PPARD: variants seen among roughly 807,000 people sequenced by gnomAD.
The protein encoded by PPARD is peroxisome proliferator-activated receptor delta.
A neutral mutation model predicts 39.5 loss-of-function variants in PPARD; 6 were observed. That is an observed-to-expected ratio of 0.15 (90% CI 0.08 to 0.30). The LOEUF (loss-of-function observed/expected upper bound fraction) is 0.30. PPARD is among the 10% of genes least tolerant of loss of function. The pLI is 1.00. For missense variants in PPARD, 397 were observed against 596.8 expected, an observed-to-expected ratio of 0.67 and a Z score of 3.49; for synonymous variants, 210 against 231.3, an observed-to-expected ratio of 0.91 and a Z score of 0.83.
intron 2 of PPARD, among the ~76,000 whole-genome samples, chr6:35,384,071 C>T (rs1192698151): frequency 6.6e-3 from 963 of 145,570 alleles, no homozygotes; most frequent in Non-Finnish European, 9.6e-3. Flanking sequence ...CCAGCCGCCC[C>T]GTCCGGGAGG....
At chr6:35,411,960 CT>C (rs1159378998) in intron 3 of PPARD, among the ~76,000 whole-genome samples, 1 of 152,130 alleles carries the variant, frequency 6.6e-6, no homozygotes, top group East Asian at 1.9e-4. Flanking sequence ...ACAAAGTCTC[CT>C]TCTGTTGCCC....
intron 2 of PPARD, among the ~76,000 whole-genome samples, chr6:35,408,158 T>C (rs1162584639): frequency 6.6e-6 from 1 of 152,198 alleles, no homozygotes; most frequent in Non-Finnish European, 1.5e-5. Flanking sequence ...GCTACACCTC[T>C]AGGCATAGTA....
Position 35,425,454 on chromosome 6 carries a change from C to G in PPARD, c.1079-378C>G. 9.5e-7 allele frequency: 1 copy of G among 1,054,444 alleles called. No individual in the cohort carries two copies. Among genetic ancestry groups the G allele is most frequent in the Non-Finnish European group, 1.2e-6 (1 of 856,000 alleles). 65.3% of individuals were successfully genotyped at this position (1,054,444 alleles called of 1,614,324 possible). A position where few individuals can be genotyped will look rare whatever the true frequency, so the allele number is the denominator to read the frequency against. The stretch of plus-strand genomic sequence containing the variant: ...GCACTGTTCTTTTCATCGATGATGA[C>G]TCACTTGATCCTCACAACAACCCTG... On this transcript the variant is annotated intron_variant, in intron 7 of 7. Transcript: ENST00000360694. The surrounding 1 kb of genome is among the most constrained non-coding windows in gnomAD (Gnocchi z 4.5).
At chr6:35,400,972 C>A (rs1052528432) in intron 2 of PPARD, among the ~76,000 whole-genome samples, 1 of 152,032 alleles carries the variant, frequency 6.6e-6, no homozygotes, top group African/African-American at 2.4e-5. Flanking sequence ...CTGTTAGTAT[C>A]GATTGGCCTC....
intron 2 of PPARD, among the ~76,000 whole-genome samples, chr6:35,377,950 G>C (rs912817298): frequency 6.7e-6 from 1 of 149,142 alleles, no homozygotes; most frequent in Non-Finnish European, 1.5e-5. Flanking sequence ...GGCAACCTCT[G>C]CCTTCTGGGT....
chr6:35,410,891 C>T, intron 2 of PPARD, 96 bp from the exon 3 acceptor site: 2 of 1,238,202 alleles, frequency 1.6e-6, no homozygotes, highest in Non-Finnish European at 1.0e-6. Context: ...AGAAGAACCC[C>T]CTCCATGACA....
At chr6:35,404,515 C>T (rs1211050911) in intron 2 of PPARD, among the ~76,000 whole-genome samples, 1 of 152,208 alleles carries the variant, frequency 6.6e-6, no homozygotes, top group Non-Finnish European at 1.5e-5. Flanking sequence ...ACTGTCCCCA[C>T]TCATCCCCTG....
chr6:35,401,563 G>A lies in PPARD; in HGVS notation c.-101-9424G>A, dbSNP rs539953665. ...GCCACAGCCCTTCTCTCTACCCACA[G>A]ACAGCCCAGGTCCTCATTCCTTGGG... On this transcript the variant is annotated intron_variant, in intron 2 of 7. Coordinates refer to ENST00000360694, the MANE Select transcript of PPARD (RefSeq NM_006238.5). The surrounding 1 kb of genome is among the most constrained non-coding windows in gnomAD (Gnocchi z 4.1). Among the ~76,000 whole-genome samples the A allele has an allele frequency of 1.3e-5, 2 of 151,024 alleles. No homozygotes were observed. Among genetic ancestry groups the A allele is most frequent in the Non-Finnish European group, 2.9e-5 (2 of 67,906 alleles).
chr6:35,362,410 A>G (rs2150498133), intron 2 of PPARD, among the ~76,000 whole-genome samples: 1 of 149,700 alleles, frequency 6.7e-6, no homozygotes, highest in South Asian at 2.1e-4. Context: ...GTCCCTGTCC[A>G]GCGCCCCATC....
chr6:35,352,762 A>T (rs1761342746), intron 2 of PPARD, among the ~76,000 whole-genome samples: 1 of 152,214 alleles, frequency 6.6e-6, no homozygotes, highest in Non-Finnish European at 1.5e-5. Context: ...GTGCGTATAC[A>T]TGACCTCTCT....
intron 2 of PPARD, among the ~76,000 whole-genome samples, chr6:35,365,980 G>A (rs1762193510): frequency 1.3e-5 from 2 of 151,666 alleles, no homozygotes; most frequent in South Asian, 4.1e-4. Context: ...AAAGGCTCAG[G>A]GTGAGTGAGC....
intron 5 of PPARD, among the ~76,000 whole-genome samples, chr6:35,423,075 A>AG (rs935716027): frequency 1.4e-5 from 2 of 144,706 alleles, no homozygotes; most frequent in African/African-American, 5.0e-5. Flanking sequence ...AAAAAAAAAA[A>AG]AAAAATTTAG....
At chr6:35,421,483 G>T (rs1766166651) in intron 4 of PPARD, among the ~76,000 whole-genome samples, 1 of 151,172 alleles carries the variant, frequency 6.6e-6, no homozygotes, top group Non-Finnish European at 1.5e-5. Flanking sequence ...GATTACAGGG[G>T]TGTGCCACTA....
At chr6:35,419,074 C>T (rs543189199) in intron 3 of PPARD, among the ~76,000 whole-genome samples, 2 of 152,256 alleles carry the variant, frequency 1.3e-5, no homozygotes, top group Admixed American at 6.5e-5. Context: ...AAACATTAGC[C>T]TGGGTTTATC....
At chr6:35,389,515 G>T (rs968041578) in intron 2 of PPARD, among the ~76,000 whole-genome samples, 1 of 152,094 alleles carries the variant, frequency 6.6e-6, no homozygotes, top group African/African-American at 2.4e-5. Context: ...GTTTCACCAT[G>T]TTGGCCAGGC....
chr6:35,347,311 G>A (rs1178021299), intron 2 of PPARD, among the ~76,000 whole-genome samples, 161 bp downstream of exon 2: 1 of 152,114 alleles, frequency 6.6e-6, no homozygotes, highest in African/African-American at 2.4e-5. Flanking sequence ...CATAGTATAG[G>A]CATTTATTAA....
At chr6:35,370,401 TG>T (rs1275105935) in intron 2 of PPARD, among the ~76,000 whole-genome samples, 3 of 152,188 alleles carry the variant, frequency 2.0e-5, no homozygotes, top group African/African-American at 7.2e-5. Context: ...AAGAAGATAC[TG>T]GTTATGGCTG....
chr6:35,355,046 G>A (rs966066171), intron 2 of PPARD, among the ~76,000 whole-genome samples: 1 of 152,158 alleles, frequency 6.6e-6, no homozygotes, highest in Admixed American at 6.5e-5. Flanking sequence ...GGTTCTGAGG[G>A]GGTGAGCCCA....
chr6:35,377,350 C>G (rs1410953988), intron 2 of PPARD, among the ~76,000 whole-genome samples: 1 of 152,158 alleles, frequency 6.6e-6, no homozygotes, highest in Non-Finnish European at 1.5e-5. Flanking sequence ...AAAGGGGAAG[C>G]TCTTTCACGT....
Sources: gnomAD v4.1 joint callset for allele counts (sites outside exome capture counted in the v4.1 genomes callset) on GRCh38, gnomAD v4.1.1 for gene constraint, Gnocchi (gnomAD v3.1) non-coding constraint, MANE v1.5 for transcripts, NCBI Gene and HGNC (gene_info 2026-07-23, HGNC 2026-07-21) for gene names.